ZFHX3: variants seen among roughly 807,000 people sequenced by gnomAD.
The protein encoded by ZFHX3 is zinc finger homeobox protein 3.
Under a neutral mutation model 279.1 loss-of-function variants are expected in ZFHX3, and 42 were observed. The ratio of observed to expected loss-of-function variants is 0.15; its 90% CI spans 0.12 to 0.19. The LOEUF (loss-of-function observed/expected upper bound fraction) is 0.19, where lower values mean the gene tolerates loss of function less well. Among genes scored for constraint, ZFHX3 ranks in the 10% least tolerant of loss-of-function variants. The pLI, the probability that ZFHX3 is intolerant of heterozygous loss-of-function variation, is 1.00. For missense variants in ZFHX3, 4,981 were observed against 4,754.0 expected (o/e 1.05, Z -1.40); for synonymous variants, 2,293 against 1,957.8 (o/e 1.17, Z -4.52).
intron 4 of ZFHX3, among the ~76,000 whole-genome samples, chr16:73,309,264 G>A (rs764587400): frequency 2.0e-5 from 3 of 151,878 alleles, no homozygotes; most frequent in Non-Finnish European, 4.4e-5. Context: ...AGTGTCTCTC[G>A]TTCCCCTCCT....
intron 1 of ZFHX3, among the ~76,000 whole-genome samples, chr16:73,780,205 T>C (rs1181844373): frequency 7.6e-6 from 1 of 132,192 alleles, no homozygotes; most frequent in Non-Finnish European, 1.6e-5. Flanking sequence ...GCAGGTGCAG[T>C]GGTGCGATCT....
At chr16:73,599,690 T>C (rs931664224) in intron 2 of ZFHX3, among the ~76,000 whole-genome samples, 2 of 149,908 alleles carry the variant, frequency 1.3e-5, no homozygotes, top group African/African-American at 4.9e-5. Flanking sequence ...ACTATATAAA[T>C]GGTTTACACA....
chr16:72,873,174 A>C (rs952972600), intron 4 of ZFHX3, among the ~76,000 whole-genome samples: 1 of 152,206 alleles, frequency 6.6e-6, no homozygotes, highest in Non-Finnish European at 1.5e-5. Flanking sequence ...CTTCCAAAAG[A>C]TCATAGGCTG....
At chr16:73,216,925 C>G (rs1402658873) in intron 5 of ZFHX3, among the ~76,000 whole-genome samples, 1 of 152,158 alleles carries the variant, frequency 6.6e-6, no homozygotes, top group Admixed American at 6.5e-5. Flanking sequence ...GTGCAAATAT[C>G]CCTGAAGGTC....
chr16:73,384,669 T>G (rs2016869001), intron 3 of ZFHX3, among the ~76,000 whole-genome samples: 1 of 152,222 alleles, frequency 6.6e-6, no homozygotes, highest in Non-Finnish European at 1.5e-5. Context: ...GATAGGAGCC[T>G]AGCAGCATAC....
At chr16:73,133,180 C>T (rs891151504) in intron 6 of ZFHX3, among the ~76,000 whole-genome samples, 1 of 152,158 alleles carries the variant, frequency 6.6e-6, no homozygotes, top group Admixed American at 6.5e-5. Flanking sequence ...ATGTCCATAA[C>T]CCCCAGTATC....
chr16:72,940,607 G>A (rs1960366417), intron 3 of ZFHX3, among the ~76,000 whole-genome samples: 1 of 152,162 alleles, frequency 6.6e-6, no homozygotes. Flanking sequence ...AGAGCATACT[G>A]CCAGCGACAG....
At chr16:73,802,164 T>C (rs1223408642) in intron 1 of ZFHX3, among the ~76,000 whole-genome samples, 1 of 151,134 alleles carries the variant, frequency 6.6e-6, no homozygotes, top group African/African-American at 2.4e-5. Context: ...ATGTGTGACT[T>C]TTTTTTTTAA....
chr16:73,397,760 G>A (rs983392580), intron 3 of ZFHX3, among the ~76,000 whole-genome samples: 1 of 150,892 alleles, frequency 6.6e-6, no homozygotes, highest in Non-Finnish European at 1.5e-5. Context: ...TCTTGAGCAG[G>A]TGGGCAGTGG....
chr16:73,606,388 A>G (rs990685749), intron 2 of ZFHX3, among the ~76,000 whole-genome samples: 1 of 150,852 alleles, frequency 6.6e-6, no homozygotes, highest in African/African-American at 2.4e-5. Context: ...CAGGAGGCTG[A>G]GGCAGGAGAA....
At chr16:73,876,196 T>C (rs973889620) in intron 1 of ZFHX3, among the ~76,000 whole-genome samples, 22 of 152,214 alleles carry the variant, frequency 1.4e-4, no homozygotes, top group African/African-American at 5.1e-4. Context: ...CAGCTGCTTA[T>C]CAAATCAGGT....
At chr16:73,524,831 G>C (rs1234699099) in intron 2 of ZFHX3, among the ~76,000 whole-genome samples, 5 of 152,132 alleles carry the variant, frequency 3.3e-5, no homozygotes, top group Non-Finnish European at 7.3e-5. Context: ...TTCCATATTT[G>C]TACACAGTCT....
chr16:73,873,237 TAG>T (rs1176443805), intron 1 of ZFHX3, among the ~76,000 whole-genome samples: 10 of 58,026 alleles, frequency 1.7e-4, no homozygotes, highest in Non-Finnish European at 6.4e-5. Flanking sequence ...TGGTGGGTGG[TAG>T]TGGGTGGTTG....
Position 73,416,217 on chromosome 16 carries a change from A to G in ZFHX3, c.-1291+39786T>C, listed in dbSNP as rs188534978. 4.3e-3 allele frequency among the ~76,000 whole-genome samples: 659 copies of G among 152,062 alleles called. 5 individuals are homozygous for G. Among genetic ancestry groups the G allele is most frequent in the South Asian group, 5.2e-3 (25 of 4,820 alleles). On this transcript the variant is annotated intron_variant, in intron 3 of 17. Coordinates refer to the ZFHX3 transcript ENST00000641206. ...GACAGTGACTTGTTCAAAGTCACAC[A>G]GTGAGCACAGACTGGGATCACTGTA... is the stretch of plus-strand genomic sequence containing the variant.
chr16:73,227,172 CA>C (rs551906538), intron 5 of ZFHX3, among the ~76,000 whole-genome samples: 25 of 150,948 alleles, frequency 1.7e-4, no homozygotes, highest in Admixed American at 5.9e-4. Context: ...AGTTAAATGA[CA>C]AAAAAAATGA....
chr16:73,225,156 T>C (rs576087678), intron 5 of ZFHX3, among the ~76,000 whole-genome samples: 1 of 152,328 alleles, frequency 6.6e-6, no homozygotes, highest in South Asian at 2.1e-4. Context: ...CCAAGTCTTG[T>C]CTTTCACATC....
At chr16:72,846,727 A>G (rs937609191) in intron 4 of ZFHX3, among the ~76,000 whole-genome samples, 13 of 152,236 alleles carry the variant, frequency 8.5e-5, no homozygotes, top group African/African-American at 3.1e-4. Flanking sequence ...TTCCCTAAAC[A>G]TGCATGTGCA....
intron 5 of ZFHX3, among the ~76,000 whole-genome samples, chr16:73,203,523 G>A (rs2011682041): frequency 1.3e-5 from 2 of 152,326 alleles, no homozygotes; most frequent in Admixed American, 1.3e-4. Flanking sequence ...CCTAGTGGGT[G>A]CATATTTGTT....
At chr16:72,876,592 A>G (rs7404229) in intron 4 of ZFHX3, among the ~76,000 whole-genome samples, 80,194 of 144,880 alleles carry the variant, frequency 0.55, 21,882 homozygotes, top group Middle Eastern at 0.67. Flanking sequence ...AGGCATGTTG[A>G]AAAAAAAAAA....
Sources: allele counts gnomAD v4.1 joint callset (sites outside exome capture counted in the v4.1 genomes callset), GRCh38; gene constraint gnomAD v4.1.1; transcripts MANE v1.5; gene names NCBI Gene and HGNC (gene_info 2026-07-23, HGNC 2026-07-21).